KAZN: variants seen among roughly 807,000 people sequenced by gnomAD.
The protein encoded by KAZN is kazrin, periplakin interacting protein.
KAZN carries 40 observed loss-of-function variants against 87.4 expected under a neutral mutation model. That is an observed-to-expected ratio of 0.46 (90% CI 0.36 to 0.60). The LOEUF (loss-of-function observed/expected upper bound fraction) is 0.60, where lower values mean the gene tolerates loss of function less well. KAZN is among the 20% of genes least tolerant of loss of function. The probability of loss-of-function intolerance (pLI) is 0.00; values close to 1 mark genes in which losing one functional copy is unlikely to be tolerated. For synonymous variants in KAZN, 466 were observed against 458.3 expected (o/e 1.02, Z -0.22); for missense variants, 898 against 1,073.9 (o/e 0.84, Z 2.29).
chr1:15,076,325 A>G (rs1467786433), intron 8 of KAZN, among the ~76,000 whole-genome samples: 2 of 152,204 alleles, frequency 1.3e-5, no homozygotes, highest in African/African-American at 4.8e-5. Context: ...TGACAGCCTG[A>G]GCCCAGCAGA....
rs184490046 is a variant in KAZN at position 14,035,509 on chromosome 1, G to C, written c.91+141753G>C. Among the ~76,000 whole-genome samples the C allele has an allele frequency of 6.5e-4, 98 of 151,264 alleles. No individual in the cohort carries two copies. The Middle Eastern group carries it at 0.01, about 16-fold the overall frequency. ...GGTCCTCATTCTGTCTCCCAGGCTGGAGTGCAGTTGTGTGATCTCAGTTCA... is the reference window on the plus strand; with the variant it reads ...GGTCCTCATTCTGTCTCCCAGGCTGCAGTGCAGTTGTGTGATCTCAGTTCA... On this transcript the variant is annotated intron_variant, in intron 1 of 16. Coordinates refer to the KAZN transcript ENST00000636203.
Position 14,911,371 on chromosome 1 carries a change from G to A in KAZN, c.227-49313G>A, listed in dbSNP as rs1001570109. On this transcript the variant is annotated intron_variant, in intron 1 of 14. Transcript: ENST00000376030. ...CTATGTCCCTGGGACTTGAAAGAGC[G>A]AGCACTTCCTGTTGGCAGTCCAGGG... 3.5e-4 allele frequency among the ~76,000 whole-genome samples: 53 copies of A among 152,218 alleles called. 2 individuals are homozygous for A.
At chr1:14,694,135 C>T (rs568759129) in intron 1 of KAZN, among the ~76,000 whole-genome samples, 4 of 152,322 alleles carry the variant, frequency 2.6e-5, no homozygotes, top group African/African-American at 9.6e-5. Context: ...CTCTGCTGTG[C>T]TGAAGCTGCA....
chr1:14,723,410 C>T (rs72636622), intron 1 of KAZN, among the ~76,000 whole-genome samples: 21,443 of 152,152 alleles, frequency 0.14, 1,679 homozygotes, highest in Non-Finnish European at 0.16. Flanking sequence ...CCTCAGGTCC[C>T]GGGGCAGCAA....
intron 1 of KAZN, among the ~76,000 whole-genome samples, chr1:13,927,490 G>A (rs1433396432): frequency 1.3e-5 from 2 of 152,204 alleles, no homozygotes; most frequent in African/African-American, 4.8e-5. Context: ...ACCATCAGAG[G>A]TGGGTTAGGA....
intron 1 of KAZN, among the ~76,000 whole-genome samples, chr1:14,628,941 G>C (rs576896643): frequency 6.6e-6 from 1 of 151,462 alleles, no homozygotes; most frequent in Admixed American, 6.6e-5. Flanking sequence ...CTGTCTCCCG[G>C]GTTCAAGCAA....
At chr1:14,400,094 G>A (rs770203562) in intron 2 of KAZN, among the ~76,000 whole-genome samples, 4 of 151,970 alleles carry the variant, frequency 2.6e-5, no homozygotes, top group East Asian at 1.9e-4. Context: ...CGTAAGCTCC[G>A]GTGACCACTG....
chr1:14,346,876 G>A (rs955191441), intron 2 of KAZN, among the ~76,000 whole-genome samples: 11 of 152,258 alleles, frequency 7.2e-5, no homozygotes, highest in African/African-American at 1.7e-4. Context: ...ACCATCCTAC[G>A]TGCTTAGGAT....
At chr1:14,711,243 GCAC>G (rs922056157) in intron 1 of KAZN, among the ~76,000 whole-genome samples, 1 of 151,380 alleles carries the variant, frequency 6.6e-6, no homozygotes, top group African/African-American at 2.4e-5. Context: ...ATGGCAGCAT[GCAC>G]CTGTAGTCCC....
chr1:14,636,287 A>C (rs190981746), intron 1 of KAZN, among the ~76,000 whole-genome samples: 1 of 152,152 alleles, frequency 6.6e-6, no homozygotes, highest in East Asian at 1.9e-4. Flanking sequence ...TGAAATTCCT[A>C]ATTGTAACTT....
chr1:14,178,069 T>C (rs372857021), intron 1 of KAZN, among the ~76,000 whole-genome samples: 1 of 152,236 alleles, frequency 6.6e-6, no homozygotes, highest in East Asian at 1.9e-4. Flanking sequence ...TGATAATGAG[T>C]GAGTCTCAGG....
At position 14,924,853 on chromosome 1, in the gene KAZN, C is replaced by G. The variant is rs566220108; in HGVS notation, c.227-35831C>G. ...TCCCGCGGCGCCTGGAGACCCAGCT[C>G]CGGGCTGGACCCCGCGTCTGCTGGG... On this transcript the variant is annotated intron_variant, in intron 1 of 14. Transcript: ENST00000376030. Among the ~76,000 whole-genome samples the G allele has an allele frequency of 2.0e-5, 3 of 152,232 alleles. No homozygotes were observed. In the East Asian group the frequency reaches 5.9e-4, roughly 30 times the overall value.
At chr1:14,414,064 T>C (rs898908865) in intron 2 of KAZN, among the ~76,000 whole-genome samples, 2 of 152,148 alleles carry the variant, frequency 1.3e-5, no homozygotes, top group Non-Finnish European at 2.9e-5. Context: ...TGGAGAAATG[T>C]CCAAGGCCCA....
chr1:13,978,921 G>A (rs953949400), intron 1 of KAZN, among the ~76,000 whole-genome samples: 1 of 151,854 alleles, frequency 6.6e-6, no homozygotes, highest in Non-Finnish European at 1.5e-5. Context: ...GGCAACACAG[G>A]GAGACCCTGT....
chr1:14,539,206 T>C (rs564135105), intron 2 of KAZN, among the ~76,000 whole-genome samples: 1 of 152,190 alleles, frequency 6.6e-6, no homozygotes, highest in Admixed American at 6.5e-5. Flanking sequence ...ATGAAAGTGA[T>C]GTAGAAGAAT....
chr1:15,014,589 C>T (rs922984531), intron 2 of KAZN, among the ~76,000 whole-genome samples: 6 of 152,160 alleles, frequency 3.9e-5, no homozygotes, highest in Non-Finnish European at 7.3e-5. Flanking sequence ...AACCCTGCTC[C>T]GGGCTTCTTG....
At chr1:14,447,011 TAGTG>T (rs1379178236) in intron 2 of KAZN, among the ~76,000 whole-genome samples, 6 of 152,134 alleles carry the variant, frequency 3.9e-5, no homozygotes, top group Non-Finnish European at 8.8e-5. Context: ...GTCACCCAGT[TAGTG>T]AGCATAGTAT....
Position 15,077,501 on chromosome 1 carries a change from T to C in KAZN, c.1222+11748T>C, listed in dbSNP as rs573972964. On this transcript the variant is annotated intron_variant, in intron 8 of 14. Transcript: ENST00000376030. The surrounding 1 kb of genome is among the most constrained non-coding windows in gnomAD (Gnocchi z 4.8). The stretch of plus-strand genomic sequence containing the variant: ...TGGAGAAGGGAAAAGGGGTCTTCGC[T>C]CAGCACTGCCCTCGGAGGCCTTGAG... Among the ~76,000 whole-genome samples the C allele has an allele frequency of 6.6e-6, 1 of 152,330 alleles. No individual in the cohort carries two copies. Among genetic ancestry groups the C allele is most frequent in the South Asian group, 2.1e-4 (1 of 4,822 alleles).
chr1:14,004,415 A>T (rs1042125595), intron 1 of KAZN, among the ~76,000 whole-genome samples: 1 of 152,262 alleles, frequency 6.6e-6, no homozygotes, highest in East Asian at 1.9e-4. Context: ...GTACATTTAC[A>T]TAGTACAAAA....
Sources: gnomAD v4.1 joint callset for allele counts (sites outside exome capture counted in the v4.1 genomes callset) on GRCh38, gnomAD v4.1.1 for gene constraint, Gnocchi (gnomAD v3.1) non-coding constraint, MANE v1.5 for transcripts, NCBI Gene and HGNC (gene_info 2026-07-23, HGNC 2026-07-21) for gene names.